Variants in RSBN1L observed in about 807,000 individuals in gnomAD.
RSBN1L encodes the protein lysine-specific demethylase RSBN1L.
RSBN1L carries 30 observed loss-of-function variants against 67.7 expected under a neutral mutation model. That is an observed-to-expected ratio of 0.44 (90% CI 0.33 to 0.60). The LOEUF (loss-of-function observed/expected upper bound fraction) is 0.60. RSBN1L is among the 20% of genes least tolerant of loss of function. The pLI is 0.02. For missense variants in RSBN1L, 992 were observed against 1,031.7 expected (o/e 0.96, Z 0.53); for synonymous variants, 433 against 387.0 (o/e 1.12, Z -1.39).
At chr7:77,717,182 A>C (rs989197880) in intron 1 of RSBN1L, among the ~76,000 whole-genome samples, 1 of 149,366 alleles carries the variant, frequency 6.7e-6, no homozygotes, top group Admixed American at 6.7e-5. Context: ...GACTCAAGGA[A>C]TCCTCTCTCC....
intron 6 of RSBN1L, among the ~76,000 whole-genome samples, chr7:77,776,019 G>A (rs942563814): frequency 6.6e-6 from 1 of 151,926 alleles, no homozygotes; most frequent in Non-Finnish European, 1.5e-5. Flanking sequence ...TGGCACCACT[G>A]CACTCCAGCC....
At position 77,779,157 on chromosome 7, in the gene RSBN1L, A is replaced by G. The variant is rs780256634; in HGVS notation, c.2530A>G (p.Ile844Val). The G allele has an allele frequency of 6.3e-7, 1 of 1,578,662 alleles. No homozygotes were observed. The highest frequency in any genetic ancestry group is 8.6e-7 in the Non-Finnish European group (1 of 1,167,462). ...AAATCAAGATAAAAAAGACGATGACATTTTGTGCTAAATTTGCATATACCA... is the reference window on the plus strand; with the variant it reads ...AAATCAAGATAAAAAAGACGATGACGTTTTGTGCTAAATTTGCATATACCA... ...HSNQDKKDDD[I>V]LC Residue 844 changes from isoleucine (I) to valine (V), a missense_variant, in exon 8 of 8, where the codon ATT becomes GTT. Ile to Val is a conservative substitution (Grantham distance 29, BLOSUM62 3). Around this residue, in one of 7 missense-constraint regions of RSBN1L, gnomAD observed 199 missense variants for 167.7 expected, o/e 1.19. Transcript: ENST00000334955.
chr7:77,767,354 CCTCT>C (rs945373396), intron 4 of RSBN1L, among the ~76,000 whole-genome samples: 2 of 151,408 alleles, frequency 1.3e-5, no homozygotes, highest in African/African-American at 4.9e-5. Flanking sequence ...TTCCTTCTTC[CCTCT>C]CTCTGTCTTT....
At chr7:77,703,829 G>C (rs916336507) in intron 1 of RSBN1L, among the ~76,000 whole-genome samples, 8 of 151,750 alleles carry the variant, frequency 5.3e-5, no homozygotes, top group African/African-American at 1.9e-4. Context: ...TTGCTCTGTT[G>C]CCCAGGTTGG....
At chr7:77,716,710 C>T (rs868461900) in intron 1 of RSBN1L, among the ~76,000 whole-genome samples, 28 of 142,794 alleles carry the variant, frequency 2.0e-4, no homozygotes, top group African/African-American at 7.1e-4. Flanking sequence ...TGGCTCACTG[C>T]AGTCTCCGCC....
chr7:77,718,359 T>A (rs1791074975), intron 1 of RSBN1L, among the ~76,000 whole-genome samples: 1 of 152,202 alleles, frequency 6.6e-6, no homozygotes, highest in Non-Finnish European at 1.5e-5. Flanking sequence ...TGGTAGGCAC[T>A]GGTGCAATCA....
chr7:77,726,113 A>C (rs992630317), intron 1 of RSBN1L, among the ~76,000 whole-genome samples: 1 of 152,224 alleles, frequency 6.6e-6, no homozygotes, highest in East Asian at 1.9e-4. Context: ...GATTTACAGA[A>C]AAGTTGCAAA....
At chr7:77,776,037 T>C (rs561218795) in intron 6 of RSBN1L, among the ~76,000 whole-genome samples, 3 of 148,584 alleles carry the variant, frequency 2.0e-5, no homozygotes, top group Non-Finnish European at 4.4e-5. Flanking sequence ...GCCTGGGCGA[T>C]TGACGTGAGA....
chr7:77,725,136 G>A lies in RSBN1L; in HGVS notation c.587-11274G>A, dbSNP rs544877025. 2.7e-5 allele frequency among the ~76,000 whole-genome samples: 4 copies of A among 150,882 alleles called. No individual in the cohort carries two copies. In the South Asian group the frequency reaches 8.3e-4, roughly 31 times the overall value. Reference sequence around the variant, plus strand: ...TGGGATTACAGGCATGAGCCACTGCGCCCGGCCACAAATCCCTTTCTCTTG... The same window carrying A: ...TGGGATTACAGGCATGAGCCACTGCACCCGGCCACAAATCCCTTTCTCTTG... On this transcript the variant is annotated intron_variant, in intron 1 of 7. Transcript: ENST00000334955.
chr7:77,698,864 C>T (rs1790775574), intron 1 of RSBN1L, among the ~76,000 whole-genome samples: 1 of 151,716 alleles, frequency 6.6e-6, no homozygotes, highest in African/African-American at 2.4e-5. Context: ...GAAAAAGATT[C>T]CTTTCCAGTG....
chr7:77,709,152 TTGTGTG>T (rs67322019), intron 1 of RSBN1L, among the ~76,000 whole-genome samples: 36,859 of 141,652 alleles, frequency 0.26, 5,255 homozygotes, highest in East Asian at 0.38. Context: ...GGGATTCTGT[TTGTGTG>T]TGTGTGTGTG....
rs368379812 is a variant in RSBN1L, at chr7:77,749,934, A to G, written c.1214A>G (p.His405Arg). 5.6e-5 allele frequency: 90 copies of G among 1,614,018 alleles called. No individual in the cohort carries two copies. In the African/African-American group the frequency reaches 1.0e-3, roughly 18 times the overall value. ...GCTTTCTACGTGATGGGTATTGTTCATGGGGCAGCTACTTATTTACCTGAC... is the reference window on the plus strand; with the variant it reads ...GCTTTCTACGTGATGGGTATTGTTCGTGGGGCAGCTACTTATTTACCTGAC... ...SAAFYVMGIV[H>R]GAATYLPDFL... Residue 405 changes from histidine (H) to arginine (R), a missense_variant, in exon 3 of 8, where the codon CAT becomes CGT. Physicochemically the swap from His to Arg is conservative, Grantham distance 29. Coordinates refer to ENST00000334955, the MANE Select transcript of RSBN1L (RefSeq NM_198467.3).
At chr7:77,770,575 C>G (rs745636970) in intron 5 of RSBN1L, among the ~76,000 whole-genome samples, 1 of 151,156 alleles carries the variant, frequency 6.6e-6, no homozygotes, top group East Asian at 2.0e-4. Flanking sequence ...CCTAGCTACT[C>G]GGAAGGCTGA....
At chr7:77,721,308 C>T (rs184116518) in intron 1 of RSBN1L, among the ~76,000 whole-genome samples, 2 of 150,512 alleles carry the variant, frequency 1.3e-5, no homozygotes, top group African/African-American at 2.4e-5. Context: ...CTTCTTTTTA[C>T]TTAAATCTTT....
At chr7:77,740,589 GGAGA>G (rs1278606396) in intron 2 of RSBN1L, among the ~76,000 whole-genome samples, 25 of 152,012 alleles carry the variant, frequency 1.6e-4, no homozygotes, top group Non-Finnish European at 1.5e-5. Context: ...ATGGGATGGG[GGAGA>G]GAGAAAGATA....
rs1042630679 is a variant in RSBN1L, at chr7:77,781,007, T to C, written c.*1839T>C. On this transcript the variant is annotated 3_prime_UTR_variant, in exon 8 of 8. Transcript: ENST00000334955. ...CAATTGGGGTTCTTTGTGCTGCCTTTTGGGTTACTGTTGGTATTTCCATTT... is the reference window on the plus strand; with the variant it reads ...CAATTGGGGTTCTTTGTGCTGCCTTCTGGGTTACTGTTGGTATTTCCATTT... The C allele has an allele frequency of 1.3e-5, 2 of 152,252 alleles. No homozygotes were observed. The highest frequency in any genetic ancestry group is 2.9e-5 in the Non-Finnish European group (2 of 68,054). The allele number at this position is 152,252 out of a possible 1,614,324, so 9.4% of individuals were successfully genotyped here.
At chr7:77,770,648 T>A (rs943823501) in intron 5 of RSBN1L, among the ~76,000 whole-genome samples, 4 of 152,074 alleles carry the variant, frequency 2.6e-5, no homozygotes, top group African/African-American at 9.7e-5. Context: ...ATCACTGCAC[T>A]CCAGCCTGGG....
intron 3 of RSBN1L, among the ~76,000 whole-genome samples, chr7:77,750,521 G>C (rs1450750321): frequency 6.6e-6 from 1 of 152,050 alleles, no homozygotes; most frequent in East Asian, 1.9e-4. Flanking sequence ...GGAATCATCA[G>C]TTACTGTGTA....
In RSBN1L at chr7:77,711,502, G is replaced by A. The variant is rs548547345; in HGVS notation, c.586+14447G>A. On this transcript the variant is annotated intron_variant, in intron 1 of 7. Transcript: ENST00000334955. ...CTACAGGTGAGCACCACTACACCTG[G>A]CTGATTTAAAAAAAGTTTTTCATAG... Among the ~76,000 whole-genome samples the A allele has an allele frequency of 5.1e-4, 78 of 151,930 alleles. No individual in the cohort carries two copies. In the Middle Eastern group the frequency reaches 0.02, roughly 40 times the overall value.
Sources: allele counts gnomAD v4.1 joint callset (sites outside exome capture counted in the v4.1 genomes callset), GRCh38; gene constraint gnomAD v4.1.1; regional missense constraint gnomAD v4.1.1; transcripts MANE v1.5; gene names NCBI Gene and HGNC (gene_info 2026-07-23, HGNC 2026-07-21).